The following DOCK4 variants were observed in gnomAD, a reference collection of about 807,000 sequenced individuals.
DOCK4 encodes dedicator of cytokinesis 4.
DOCK4 carries 97 observed loss-of-function variants against 268.1 expected under a neutral mutation model. That is an observed-to-expected ratio of 0.36 (90% CI 0.31 to 0.43). The LOEUF (loss-of-function observed/expected upper bound fraction) is 0.43. Among genes scored for constraint, DOCK4 ranks in the 20% least tolerant of loss-of-function variants. DOCK4 has a pLI of 1.00. For synonymous variants in DOCK4, 954 were observed against 887.2 expected (o/e 1.08, Z -1.34); for missense variants, 2,145 against 2,455.7 (o/e 0.87, Z 2.67).
chr7:111,884,994 C>T (rs1056574250), intron 16 of DOCK4, among the ~76,000 whole-genome samples: 1 of 152,122 alleles, frequency 6.6e-6, no homozygotes, highest in South Asian at 2.1e-4. Flanking sequence ...AAAGGGTCTA[C>T]TGTGAGTGAG....
intron 27 of DOCK4, among the ~76,000 whole-genome samples, chr7:111,817,516 C>A (rs146414195): frequency 6.6e-6 from 1 of 152,232 alleles, no homozygotes; most frequent in Non-Finnish European, 1.5e-5. Flanking sequence ...GAAAGTCTTA[C>A]CACAAAAAAC....
chr7:111,754,372 A>T (rs1220820677), intron 42 of DOCK4, among the ~76,000 whole-genome samples: 1 of 152,234 alleles, frequency 6.6e-6, no homozygotes, highest in Non-Finnish European at 1.5e-5. Flanking sequence ...TTCAGGTAAG[A>T]CAAACAATTC....
chr7:111,799,291 T>C (rs932771446), intron 30 of DOCK4, among the ~76,000 whole-genome samples: 4 of 152,222 alleles, frequency 2.6e-5, no homozygotes, highest in African/African-American at 7.2e-5. Flanking sequence ...AACTTATCAA[T>C]GTGCTCAGAT....
At chr7:111,734,729 G>A (rs529179910) in intron 51 of DOCK4, among the ~76,000 whole-genome samples, 156 of 152,326 alleles carry the variant, frequency 1.0e-3, no homozygotes, top group African/African-American at 3.5e-3. Context: ...AGGTTGATAA[G>A]AATGAAGTGG....
At chr7:112,144,957 TCTTG>T (rs1815312843) in intron 1 of DOCK4, among the ~76,000 whole-genome samples, 1 of 152,158 alleles carries the variant, frequency 6.6e-6, no homozygotes, top group African/African-American at 2.4e-5. Flanking sequence ...TATGAAACAC[TCTTG>T]CTTGTTAGAA....
At chr7:112,108,525 C>T (rs1811338300) in intron 1 of DOCK4, among the ~76,000 whole-genome samples, 1 of 152,096 alleles carries the variant, frequency 6.6e-6, no homozygotes, top group Non-Finnish European at 1.5e-5. Flanking sequence ...CTTATTAGAC[C>T]ACTGAGGATA....
chr7:111,908,980 C>T (rs992847301), intron 13 of DOCK4, among the ~76,000 whole-genome samples: 9 of 152,066 alleles, frequency 5.9e-5, no homozygotes, highest in Non-Finnish European at 1.3e-4. Flanking sequence ...TAAATAGTGC[C>T]GCAATAAACA....
chr7:111,740,656 C>G (rs1315832468), intron 47 of DOCK4, among the ~76,000 whole-genome samples: 1 of 134,476 alleles, frequency 7.4e-6, no homozygotes, highest in African/African-American at 2.8e-5. Context: ...CTGCCTGAGC[C>G]CGGGAGGCGG....
At chr7:112,160,814 T>C (rs1817044868) in intron 1 of DOCK4, among the ~76,000 whole-genome samples, 1 of 152,224 alleles carries the variant, frequency 6.6e-6, no homozygotes, top group Non-Finnish European at 1.5e-5. Context: ...AAAGATCCTA[T>C]CGCGGCATTC....
chr7:111,783,020 A>ATT, intron 34 of DOCK4, 96 bp from the exon 35 acceptor site: 2 of 784,150 alleles, frequency 2.6e-6, no homozygotes, highest in Non-Finnish European at 3.6e-6. Context: ...GAAAGAAAGA[A>ATT]AAAAAAAAAA....
intron 23 of DOCK4, among the ~76,000 whole-genome samples, chr7:111,854,257 C>T (rs139931946): frequency 0.017 from 2,528 of 152,284 alleles, 67 homozygotes; most frequent in African/African-American, 0.055. Context: ...AAGATCAACC[C>T]CTGACCTAAT....
intron 13 of DOCK4, among the ~76,000 whole-genome samples, chr7:111,905,324 A>C (rs1315366630): frequency 1.3e-5 from 2 of 152,090 alleles, no homozygotes; most frequent in Admixed American, 1.3e-4. Context: ...AACACCTCAT[A>C]CCTCTCAAGT....
intron 8 of DOCK4, among the ~76,000 whole-genome samples, chr7:111,954,574 C>T (rs528305579): frequency 2.0e-5 from 3 of 152,146 alleles, no homozygotes; most frequent in Admixed American, 1.3e-4. Context: ...GACCCAGCAG[C>T]GTGCGTCAGC....
intron 16 of DOCK4, among the ~76,000 whole-genome samples, chr7:111,895,039 A>G (rs1488514871): frequency 6.6e-6 from 1 of 152,072 alleles, no homozygotes; most frequent in African/African-American, 2.4e-5. Flanking sequence ...TTTTTACCCT[A>G]TAGTTCATTA....
At chr7:111,912,605 AGAG>A (rs1390153051) in intron 13 of DOCK4, among the ~76,000 whole-genome samples, 1 of 152,162 alleles carries the variant, frequency 6.6e-6, no homozygotes, top group East Asian at 1.9e-4. Context: ...AGGGGGAGGA[AGAG>A]GAGGAGGAGA....
intron 8 of DOCK4, among the ~76,000 whole-genome samples, chr7:111,949,593 T>C (rs1033184181): frequency 6.6e-6 from 1 of 150,814 alleles, no homozygotes; most frequent in Non-Finnish European, 1.5e-5. Flanking sequence ...TATGGAGAAA[T>C]AAGTCATGTA....
At chr7:111,924,941 G>A (rs1793476480) in intron 12 of DOCK4, among the ~76,000 whole-genome samples, 5 of 151,726 alleles carry the variant, frequency 3.3e-5, no homozygotes. Flanking sequence ...GGTGGGGGCT[G>A]AGAGTAAAAC....
intron 1 of DOCK4, among the ~76,000 whole-genome samples, chr7:112,181,767 C>G (rs886390018): frequency 6.6e-6 from 1 of 151,640 alleles, no homozygotes; most frequent in African/African-American, 2.4e-5. Context: ...GAAGCAGGAT[C>G]ACAGGATTGA....
chr7:111,743,280 G>C (rs747447316), intron 44 of DOCK4, among the ~76,000 whole-genome samples: 1 of 152,180 alleles, frequency 6.6e-6, no homozygotes, highest in Admixed American at 6.5e-5. Flanking sequence ...TCACCACAAG[G>C]TTTTGTTGTT....
Sources: allele counts gnomAD v4.1 joint callset (sites outside exome capture counted in the v4.1 genomes callset), GRCh38; gene constraint gnomAD v4.1.1; transcripts MANE v1.5; gene names NCBI Gene and HGNC (gene_info 2026-07-23, HGNC 2026-07-21).